Variants in NBEA observed in about 807,000 individuals in gnomAD.
NBEA encodes the protein lysosomal-trafficking regulator 2.
NBEA carries 44 observed loss-of-function variants against 343.4 expected under a neutral mutation model. That is an observed-to-expected ratio of 0.13 (90% CI 0.10 to 0.16). The LOEUF (loss-of-function observed/expected upper bound fraction) is 0.16. NBEA is among the 10% of genes least tolerant of loss of function. The probability of loss-of-function intolerance (pLI) is 1.00; values close to 1 mark genes in which losing one functional copy is unlikely to be tolerated. For synonymous variants in NBEA, 1,175 were observed against 1,238.7 expected (o/e 0.95, Z 1.08); for missense variants, 2,555 against 3,631.3 (o/e 0.70, Z 7.62).
chr13:35,303,999 T>C (rs1244268415), intron 35 of NBEA, among the ~76,000 whole-genome samples: 2 of 152,320 alleles, frequency 1.3e-5, no homozygotes, highest in East Asian at 1.9e-4. Flanking sequence ...TGTAATGGCA[T>C]GCAAACAAAT....
chr13:34,991,453 G>A (rs924859684), intron 1 of NBEA, among the ~76,000 whole-genome samples: 1 of 152,182 alleles, frequency 6.6e-6, no homozygotes, highest in Non-Finnish European at 1.5e-5. Context: ...GAGAGAGGGA[G>A]TGAAAGGGGA....
intron 36 of NBEA, among the ~76,000 whole-genome samples, chr13:35,309,822 A>C (rs1405117743): frequency 6.6e-6 from 1 of 152,184 alleles, no homozygotes; most frequent in Non-Finnish European, 1.5e-5. Flanking sequence ...AGGTTTGGTG[A>C]GATCTGAAGT....
At chr13:35,340,554 T>C (rs1455324771) in intron 36 of NBEA, among the ~76,000 whole-genome samples, 2 of 152,096 alleles carry the variant, frequency 1.3e-5, no homozygotes, top group Non-Finnish European at 2.9e-5. Context: ...TTAGTGATAG[T>C]AGCAAAACAA....
chr13:35,353,264 C>T (rs2040293577), intron 38 of NBEA, among the ~76,000 whole-genome samples: 1 of 152,078 alleles, frequency 6.6e-6, no homozygotes, highest in African/African-American at 2.4e-5. Context: ...GGTGAAACTC[C>T]ATCTCTACTA....
At chr13:35,319,874 T>G (rs137872263) in intron 36 of NBEA, among the ~76,000 whole-genome samples, 1 of 152,354 alleles carries the variant, frequency 6.6e-6, no homozygotes, top group African/African-American at 2.4e-5. Context: ...TTGATCTTTG[T>G]TGGCTTGAAG....
chr13:35,331,789 A>G (rs1289165732), intron 36 of NBEA, among the ~76,000 whole-genome samples: 1 of 152,024 alleles, frequency 6.6e-6, no homozygotes, highest in African/African-American at 2.4e-5. Context: ...AAAGAATAGG[A>G]CTGGATAAAC....
rs570972413 is a variant in NBEA, at chr13:35,335,048, G to A, written c.5904-14060G>A. Among the ~76,000 whole-genome samples the A allele has an allele frequency of 7.9e-5, 12 of 151,656 alleles. No homozygotes were observed. In the South Asian group the frequency reaches 2.3e-3, roughly 29 times the overall value. The stretch of plus-strand genomic sequence containing the variant: ...ATTTTTATATATGATGAGGGATAGG[G>A]GTCTAGTTTCATTCTTCTGCATATG... On this transcript the variant is annotated intron_variant, in intron 36 of 58. Transcript: ENST00000379939.
chr13:35,141,867 A>T, intron 17 of NBEA, among the ~76,000 whole-genome samples: 1 of 152,352 alleles, frequency 6.6e-6, no homozygotes, highest in African/African-American at 2.4e-5. Flanking sequence ...AAGGTTTGTT[A>T]CAGCCTATGT....
At chr13:35,557,286 A>G (rs886719333) in intron 44 of NBEA, among the ~76,000 whole-genome samples, 27 of 152,090 alleles carry the variant, frequency 1.8e-4, no homozygotes, top group Non-Finnish European at 4.4e-5. Flanking sequence ...ACAGTGTGGT[A>G]CAGTACCACC....
chr13:35,595,466 A>G (rs910466928), intron 47 of NBEA, among the ~76,000 whole-genome samples: 2 of 152,020 alleles, frequency 1.3e-5, no homozygotes, highest in Non-Finnish European at 2.9e-5. Flanking sequence ...TTATATGTTA[A>G]TACATCTTAG....
chr13:35,290,746 A>T (rs1042559748), intron 35 of NBEA, among the ~76,000 whole-genome samples: 1 of 151,024 alleles, frequency 6.6e-6, no homozygotes, highest in Admixed American at 6.6e-5. Flanking sequence ...AATACGATAT[A>T]TAAAATATCT....
intron 37 of NBEA, among the ~76,000 whole-genome samples, chr13:35,349,553 A>G (rs939969080): frequency 4.6e-5 from 7 of 152,184 alleles, no homozygotes; most frequent in Non-Finnish European, 1.0e-4. Context: ...ATAGGTAGAT[A>G]TGAGTATATG....
chr13:35,196,651 G>A (rs903176986), intron 31 of NBEA, among the ~76,000 whole-genome samples: 8 of 152,000 alleles, frequency 5.3e-5, no homozygotes, highest in Admixed American at 2.0e-4. Flanking sequence ...GGTCACATCT[G>A]TCCAAGGTTT....
chr13:35,294,928 G>A lies in NBEA; in HGVS notation c.5838+4478G>A, dbSNP rs531954362. Among the ~76,000 whole-genome samples, 17 of 151,810 alleles carry A rather than the reference G, an allele frequency of 1.1e-4. 1 individual carries two copies. In the East Asian group the frequency reaches 3.1e-3, roughly 28 times the overall value. On this transcript the variant is annotated intron_variant, in intron 35 of 58. Coordinates refer to ENST00000379939, the MANE Select transcript of NBEA (RefSeq NM_001385012.1). ...CTGAGCCCTGTTTCTTCAGAAACCT[G>A]AGGTCTGGAGAGGAATGAGTCTGTT... is the stretch of plus-strand genomic sequence containing the variant.
chr13:35,118,322 T>A, intron 15 of NBEA, 32 bp downstream of exon 15: 1 of 1,563,842 alleles, frequency 6.4e-7, no homozygotes, highest in South Asian at 1.2e-5. Flanking sequence ...TTATTTTAAT[T>A]ATTTAAGCCA....
At chr13:35,259,353 A>G (rs561759895) in intron 34 of NBEA, among the ~76,000 whole-genome samples, 3 of 152,276 alleles carry the variant, frequency 2.0e-5, no homozygotes, top group African/African-American at 4.8e-5. Context: ...GTTTTCATCA[A>G]TTTTGTTAAC....
At chr13:35,257,788 T>C (rs1373314384) in intron 34 of NBEA, among the ~76,000 whole-genome samples, 11 of 152,174 alleles carry the variant, frequency 7.2e-5, no homozygotes, top group African/African-American at 2.4e-5. Context: ...CAAACAAAAA[T>C]TGGTAATTTT....
chr13:35,430,508 A>T (rs2045032439), intron 38 of NBEA, among the ~76,000 whole-genome samples: 1 of 152,074 alleles, frequency 6.6e-6, no homozygotes. Flanking sequence ...CTTGGTCATG[A>T]AGTCTTTGCC....
At chr13:35,222,996 T>C (rs2074454590) in intron 33 of NBEA, among the ~76,000 whole-genome samples, 1 of 152,070 alleles carries the variant, frequency 6.6e-6, no homozygotes. Flanking sequence ...CTGGGTGTGG[T>C]GGCATGTGCC....
Sources: gnomAD v4.1 joint callset for allele counts (sites outside exome capture counted in the v4.1 genomes callset) on GRCh38, gnomAD v4.1.1 for gene constraint, MANE v1.5 for transcripts, NCBI Gene and HGNC (gene_info 2026-07-23, HGNC 2026-07-21) for gene names.